RGS6: variants seen among roughly 807,000 people sequenced by gnomAD.
The protein encoded by RGS6 is regulator of G protein signaling 6, also known as regulator of G-protein signaling 6.
A neutral mutation model predicts 78.5 loss-of-function variants in RGS6; 30 were observed. The observed-to-expected ratio is 0.38, with a 90% CI of 0.29 to 0.52. RGS6 has a LOEUF of 0.52. RGS6 is among the 20% of genes least tolerant of loss of function. The pLI is 0.85. For synonymous variants in RGS6, 206 were observed against 206.0 expected, an observed-to-expected ratio of 1.00 and a Z score of 0.00; for missense variants, 495 against 609.7, an observed-to-expected ratio of 0.81 and a Z score of 1.98.
At chr14:72,405,313 A>T (rs10147214) in intron 3 of RGS6, among the ~76,000 whole-genome samples, 8,574 of 152,216 alleles carry the variant, frequency 0.056, 818 homozygotes, top group African/African-American at 0.19. Flanking sequence ...CAGTATTTCC[A>T]TCTTGTCCCC....
chr14:71,874,440 G>C, the RGS6 span, among the ~76,000 whole-genome samples: 17 of 152,000 alleles, frequency 1.1e-4, no homozygotes, highest in African/African-American at 2.4e-4. Context: ...TTGGCTCTCT[G>C]TTTGTTTGTT....
Position 72,411,123 on chromosome 14 carries a change from T to C in RGS6, c.185-43405T>C, listed in dbSNP as rs145075216. Among the ~76,000 whole-genome samples the C allele has an allele frequency of 3.9e-5, 6 of 152,358 alleles. No homozygotes were observed. In the East Asian group the frequency reaches 1.2e-3, roughly 29 times the overall value. ...TCTGTGAAGAAAGTCATTGGTAGCTTGATGGGGTTGGCATTGAATCTATAA... is the reference window on the plus strand; with the variant it reads ...TCTGTGAAGAAAGTCATTGGTAGCTCGATGGGGTTGGCATTGAATCTATAA... On this transcript the variant is annotated intron_variant, in intron 3 of 17. Transcript: ENST00000553525.
At chr14:72,036,999 T>A (rs2091806849) in intron 2 of RGS6, among the ~76,000 whole-genome samples, 1 of 152,124 alleles carries the variant, frequency 6.6e-6, no homozygotes. Flanking sequence ...CTTGGAGAAC[T>A]TTCCTGTGTC....
At chr14:72,282,772 G>T (rs72721871) in intron 2 of RGS6, among the ~76,000 whole-genome samples, 54 of 152,216 alleles carry the variant, frequency 3.5e-4, no homozygotes, top group Non-Finnish European at 7.2e-4. Context: ...GTTTGTTTGT[G>T]TGGTAGAACA....
At chr14:72,339,173 C>T (rs1448970773) in intron 2 of RGS6, among the ~76,000 whole-genome samples, 1 of 152,160 alleles carries the variant, frequency 6.6e-6, no homozygotes, top group Non-Finnish European at 1.5e-5. Flanking sequence ...CAATGTGATA[C>T]TGTTAAGGGG....
the RGS6 span, among the ~76,000 whole-genome samples, chr14:71,914,550 G>A: frequency 4.0e-5 from 6 of 151,840 alleles, no homozygotes; most frequent in Non-Finnish European, 8.8e-5. Context: ...TAACTCATTC[G>A]GGTCCCTCCT....
chr14:72,473,065 G>T, intron 9 of RGS6, 112 bp downstream of exon 9: 1 of 692,260 alleles, frequency 1.4e-6, no homozygotes, highest in Non-Finnish European at 2.4e-6. Flanking sequence ...TAAGAAAATC[G>T]CTCAGCTTTG....
Position 72,539,435 on chromosome 14 carries a change from G to A in RGS6, c.1369-606G>A, listed in dbSNP as rs575315076. Among the ~76,000 whole-genome samples the A allele has an allele frequency of 3.3e-5, 5 of 152,298 alleles. No individual in the cohort carries two copies. In the South Asian group the frequency reaches 8.3e-4, roughly 25 times the overall value. On this transcript the variant is annotated intron_variant, in intron 16 of 17. Transcript: ENST00000553525. ...CCTCCTTGCTCTAAGGACACAGAACGAGGGTCACTAGGAAGTCACTGAAGT... is the reference window on the plus strand; with the variant it reads ...CCTCCTTGCTCTAAGGACACAGAACAAGGGTCACTAGGAAGTCACTGAAGT...
intron 2 of RGS6, among the ~76,000 whole-genome samples, chr14:72,350,123 A>G (rs1415492193): frequency 6.6e-6 from 1 of 152,226 alleles, no homozygotes; most frequent in East Asian, 1.9e-4. Flanking sequence ...TTTTCATCTA[A>G]CAGAATGCAG....
chr14:72,168,686 A>T (rs935704991), intron 2 of RGS6, among the ~76,000 whole-genome samples: 9 of 152,158 alleles, frequency 5.9e-5, no homozygotes, highest in African/African-American at 2.2e-4. Flanking sequence ...TTCTATGTGT[A>T]GCTTCCATTT....
At chr14:72,187,038 A>G (rs963654992) in intron 2 of RGS6, among the ~76,000 whole-genome samples, 14 of 152,240 alleles carry the variant, frequency 9.2e-5, no homozygotes, top group Non-Finnish European at 4.4e-5. Context: ...TTGTAACTAG[A>G]GCAAATGCCT....
At chr14:72,482,053 G>A (rs557986749) in intron 12 of RGS6, among the ~76,000 whole-genome samples, 10 of 151,812 alleles carry the variant, frequency 6.6e-5, no homozygotes, top group East Asian at 1.9e-4. Context: ...GTCGTGATCC[G>A]CCCGCCTCGG....
chr14:71,960,679 TC>T (rs1448472385), intron 1 of RGS6, among the ~76,000 whole-genome samples: 2 of 152,232 alleles, frequency 1.3e-5, no homozygotes, highest in Non-Finnish European at 2.9e-5. Context: ...TATCTCACTC[TC>T]CACACTTGGC....
At chr14:72,490,711 C>T (rs1566970653) in intron 12 of RGS6, among the ~76,000 whole-genome samples, 1 of 152,164 alleles carries the variant, frequency 6.6e-6, no homozygotes, top group Admixed American at 6.5e-5. Context: ...CTGCTTCTAC[C>T]CCAGGGGTCA....
At chr14:72,245,600 C>T (rs1376345184) in intron 2 of RGS6, among the ~76,000 whole-genome samples, 1 of 152,226 alleles carries the variant, frequency 6.6e-6, no homozygotes, top group African/African-American at 2.4e-5. Flanking sequence ...TGCCCTCATT[C>T]CTGTAAACCC....
At chr14:71,919,003 A>G in the RGS6 span, among the ~76,000 whole-genome samples, 2 of 151,780 alleles carry the variant, frequency 1.3e-5, no homozygotes, top group African/African-American at 4.8e-5. Flanking sequence ...TTTTTTCCCA[A>G]GAAAGTGATG....
chr14:72,190,023 A>G (rs2097302259), intron 2 of RGS6, among the ~76,000 whole-genome samples: 2 of 152,126 alleles, frequency 1.3e-5, no homozygotes, highest in Admixed American at 6.5e-5. Context: ...TTTCTTCACC[A>G]AACTTTCCCA....
chr14:72,273,507 A>G (rs2060244552), intron 2 of RGS6, among the ~76,000 whole-genome samples: 1 of 152,208 alleles, frequency 6.6e-6, no homozygotes, highest in Non-Finnish European at 1.5e-5. Flanking sequence ...TAGGAAATAA[A>G]CGACACTGTG....
rs535928544 is a variant in RGS6, at chr14:72,074,638, A to AGCCT, written c.84+109765_84+109768dup. Among the ~76,000 whole-genome samples the AGCCT allele has an allele frequency of 3.3e-5, 5 of 152,234 alleles. No individual in the cohort carries two copies. The East Asian group carries it at 9.6e-4, about 29-fold the overall frequency. ...ACCTTTTGAGGTTGTACCAGTGTAG[A>AGCCT]GCCTGTTTTTCCGAGCATCTACATG... On this transcript the variant is annotated intron_variant, in intron 2 of 17. Transcript: ENST00000553525.
Sources: gnomAD v4.1 joint callset for allele counts (sites outside exome capture counted in the v4.1 genomes callset) on GRCh38, gnomAD v4.1.1 for gene constraint, MANE v1.5 for transcripts, NCBI Gene and HGNC (gene_info 2026-07-23, HGNC 2026-07-21) for gene names.